Variants in EYA4 observed in about 807,000 individuals in gnomAD.
The protein encoded by EYA4 is EYA transcriptional coactivator and phosphatase 4.
EYA4 carries 31 observed loss-of-function variants against 87.9 expected under a neutral mutation model. That is an observed-to-expected ratio of 0.35 (90% CI 0.27 to 0.48). The LOEUF (loss-of-function observed/expected upper bound fraction) is 0.48, where lower values mean the gene tolerates loss of function less well. Ranked by LOEUF, EYA4 falls within the 20% of genes least tolerant of loss-of-function variation. The pLI is 0.99. For synonymous variants in EYA4, 263 were observed against 270.6 expected, an observed-to-expected ratio of 0.97 and a Z score of 0.28; for missense variants, 678 against 761.4, an observed-to-expected ratio of 0.89 and a Z score of 1.29.
chr6:133,263,052 G>T (rs1050367411), intron 1 of EYA4, among the ~76,000 whole-genome samples: 1 of 152,128 alleles, frequency 6.6e-6, no homozygotes, highest in Admixed American at 6.5e-5. Context: ...CATGCTTCCC[G>T]GGTGGTTGGA....
chr6:133,447,080 A>G (rs1424697698), intron 4 of EYA4, among the ~76,000 whole-genome samples: 1 of 152,226 alleles, frequency 6.6e-6, no homozygotes, highest in Non-Finnish European at 1.5e-5. Flanking sequence ...CCCTGGTATT[A>G]GCAAAAATGT....
chr6:133,468,890 C>A (rs1583368246), intron 11 of EYA4, 159 bp downstream of exon 11: 2 of 747,040 alleles, frequency 2.7e-6, no homozygotes, highest in East Asian at 2.7e-5. Flanking sequence ...GCTCTTCTGG[C>A]ATTTCAGAAG....
intron 13 of EYA4, among the ~76,000 whole-genome samples, chr6:133,502,876 G>T (rs1455269650): frequency 1.3e-5 from 2 of 152,238 alleles, no homozygotes; most frequent in East Asian, 3.9e-4. Context: ...TCTCTGGAAA[G>T]CTTAGTAAAA....
At chr6:133,523,881 T>A (rs1215347521) in intron 18 of EYA4, among the ~76,000 whole-genome samples, 1 of 152,128 alleles carries the variant, frequency 6.6e-6, no homozygotes, top group Non-Finnish European at 1.5e-5. Flanking sequence ...GGAAAATAAA[T>A]GGGTTGTGTA....
chr6:133,333,973 AATTGGTAAAATTCCACTG>A (rs1358109887), intron 2 of EYA4, among the ~76,000 whole-genome samples: 1 of 152,110 alleles, frequency 6.6e-6, no homozygotes, highest in Non-Finnish European at 1.5e-5. Context: ...TCTTTCTTTT[AATTGGTAAAATTCCACTG>A]ATTGGTAAAA....
In EYA4 at chr6:133,488,667, G is replaced by A. The variant is rs561175234; in HGVS notation, c.1191+5552G>A. Among the ~76,000 whole-genome samples, 313 of 151,932 alleles carry A rather than the reference G, an allele frequency of 2.1e-3. 1 individual carries two copies. The highest frequency in any genetic ancestry group is 3.0e-3 in the Non-Finnish European group (201 of 67,900). ...GACCAAGAAGAGGGCATCTCTATGA[G>A]TCTGCAAGAGCCACAGTATTACTGG... On this transcript the variant is annotated intron_variant, in intron 13 of 19. Transcript: ENST00000355286.
intron 13 of EYA4, among the ~76,000 whole-genome samples, chr6:133,490,783 A>G (rs764147463): frequency 1.3e-5 from 2 of 152,168 alleles, no homozygotes; most frequent in Non-Finnish European, 2.9e-5. Context: ...CTGACTTTCA[A>G]CATTGGGCAC....
intron 2 of EYA4, among the ~76,000 whole-genome samples, chr6:133,321,913 G>A (rs925919710): frequency 2.0e-5 from 3 of 152,152 alleles, no homozygotes; most frequent in Admixed American, 2.0e-4. Context: ...TGGACGTAGA[G>A]GCCCGAGGGC....
chr6:133,394,975 T>G (rs757048217), intron 3 of EYA4, among the ~76,000 whole-genome samples: 2 of 152,152 alleles, frequency 1.3e-5, no homozygotes, highest in African/African-American at 2.4e-5. Flanking sequence ...AAAAGTTAAA[T>G]TACATTTAAC....
At chr6:133,433,802 T>G (rs908446610) in intron 3 of EYA4, among the ~76,000 whole-genome samples, 1 of 152,214 alleles carries the variant, frequency 6.6e-6, no homozygotes. Flanking sequence ...AGATGGCATT[T>G]AGGAGAAACA....
At chr6:133,424,855 G>A (rs1245011951) in intron 3 of EYA4, among the ~76,000 whole-genome samples, 1 of 150,788 alleles carries the variant, frequency 6.6e-6, no homozygotes, top group Non-Finnish European at 1.5e-5. Flanking sequence ...CCACTCAGAA[G>A]GGATGGGGCT....
chr6:133,298,438 A>C (rs1779110548), intron 2 of EYA4, among the ~76,000 whole-genome samples: 1 of 152,140 alleles, frequency 6.6e-6, no homozygotes, highest in Admixed American at 6.5e-5. Flanking sequence ...AAAGAACAAG[A>C]AAATCTGTGT....
In EYA4 at chr6:133,481,873, C is replaced by T. The variant is rs212772; in HGVS notation, c.1107+274C>T. On this transcript the variant is annotated intron_variant, in intron 12 of 19. Transcript: ENST00000355286. Reference sequence around the variant, plus strand: ...TGCAAGTTTTGATCTAAATTGGCACCGACAAATTTTAAAACTATAGCCATT... The same window carrying T: ...TGCAAGTTTTGATCTAAATTGGCACTGACAAATTTTAAAACTATAGCCATT... Among the ~76,000 whole-genome samples, 9,049 of 151,954 alleles carry T rather than the reference C, an allele frequency of 0.06. 857 individuals carry two copies. Among genetic ancestry groups the T allele is most frequent in the African/African-American group, 0.2 (8,376 of 41,426 alleles).
At chr6:133,284,079 T>C (rs1777841676) in intron 2 of EYA4, among the ~76,000 whole-genome samples, 1 of 152,208 alleles carries the variant, frequency 6.6e-6, no homozygotes, top group Non-Finnish European at 1.5e-5. Flanking sequence ...GACCCTTCGG[T>C]CAACTTGGTG....
At position 133,436,320 on chromosome 6, in the gene EYA4, G is replaced by T. The variant is rs186390218; in HGVS notation, c.84-10310G>T. Among the ~76,000 whole-genome samples, 353 of 152,166 alleles carry T rather than the reference G, an allele frequency of 2.3e-3. 3 individuals carry two copies. The highest frequency in any genetic ancestry group is 7.7e-3 in the African/African-American group (321 of 41,518). Reference sequence around the variant, plus strand: ...CCTTGCTCTCCTGCCTAGCCTGTGGGAATCTTTGAAGATTCTTTGTATTCT... The same window carrying T: ...CCTTGCTCTCCTGCCTAGCCTGTGGTAATCTTTGAAGATTCTTTGTATTCT... On this transcript the variant is annotated intron_variant, in intron 3 of 19. Coordinates refer to ENST00000355286, the MANE Select transcript of EYA4 (RefSeq NM_004100.5).
At chr6:133,424,205 G>A (rs562326476) in intron 3 of EYA4, among the ~76,000 whole-genome samples, 3 of 152,316 alleles carry the variant, frequency 2.0e-5, no homozygotes, top group East Asian at 1.9e-4. Context: ...CTGAGCCCAG[G>A]GCTTTTACAG....
At chr6:133,390,702 A>G (rs1014959660) in intron 3 of EYA4, among the ~76,000 whole-genome samples, 2 of 152,192 alleles carry the variant, frequency 1.3e-5, no homozygotes, top group African/African-American at 4.8e-5. Flanking sequence ...CATTTCCTAC[A>G]TGTATCATAG....
intron 3 of EYA4, among the ~76,000 whole-genome samples, chr6:133,385,099 A>T (rs1293118051): frequency 2.6e-5 from 4 of 151,890 alleles, no homozygotes; most frequent in Non-Finnish European, 5.9e-5. Context: ...GGAGATCGAG[A>T]CCATCCTGGC....
Position 133,462,439 on chromosome 6 carries a change from A to C in EYA4, c.542A>C (p.Tyr181Ser). Residue 181 changes from tyrosine to serine, a missense_variant, in exon 8 of 20, where the codon TAC becomes TCC. Coordinates refer to ENST00000355286, the MANE Select transcript of EYA4 (RefSeq NM_004100.5). ...GMQQPAVYTA[Y>S]SQTGQPYSLP... ...CAGCAGCCAGCCGTCTACACAGCCT[A>C]CTCACAGACAGGACAGCCCTACAGC... 5.6e-6 allele frequency: 9 copies of C among 1,614,056 alleles called. No individual in the cohort carries two copies. The highest frequency in any genetic ancestry group is 7.6e-6 in the Non-Finnish European group (9 of 1,179,966).
Sources: allele counts gnomAD v4.1 joint callset (sites outside exome capture counted in the v4.1 genomes callset), GRCh38; gene constraint gnomAD v4.1.1; transcripts MANE v1.5; gene names NCBI Gene and HGNC (gene_info 2026-07-23, HGNC 2026-07-21).